ARL10: variants seen among roughly 807,000 people sequenced by gnomAD.
ARL10 encodes the protein ARF like GTPase 10.
In ARL10, 23 loss-of-function variants were observed where a neutral mutation model predicts 26.1. The observed-to-expected ratio is 0.88, with a 90% confidence interval of 0.63 to 1.25. The LOEUF (loss-of-function observed/expected upper bound fraction) is 1.25. ARL10 is among the 50% of genes most tolerant of loss of function. The pLI is 0.00. For missense variants in ARL10, 300 were observed against 323.6 expected, an observed-to-expected ratio of 0.93 and a Z score of 0.56; for synonymous variants, 138 against 149.1, an observed-to-expected ratio of 0.93 and a Z score of 0.54.
In ARL10 at chr5:176,366,562, T is replaced by G; in HGVS notation, c.366T>G (p.Phe122Leu). 1 of 1,614,098 alleles carries G rather than the reference T, an allele frequency of 6.2e-7. No individual in the cohort carries two copies. The highest frequency in any genetic ancestry group is 1.1e-5 in the South Asian group (1 of 91,088). Residue 122 changes from phenylalanine (F) to leucine (L), a missense_variant, in exon 2 of 4, where the codon TTT (phenylalanine) becomes TTG (leucine). Physicochemically the swap from Phe to Leu is conservative, Grantham distance 22 (BLOSUM62 0). Transcript: ENST00000310389. The stretch of plus-strand genomic sequence containing the variant: ...CCGTGCGTCTGCCCACCAAGGACTT[T>G]GAGGTGGACCTGCTAGAAAGTGAGC... ...FNSVRLPTKD[F>L]EVDLLEIGGS...
At chr5:176,388,956 ACCCGGTGGTAC>A, downstream of ARL10, 1 of 1,614,122 alleles carries the variant, frequency 6.2e-7, no homozygotes, top group Non-Finnish European at 8.5e-7. Flanking sequence ...ACCCGCGAGA[ACCCGGTGGTAC>A]CCATAGGTAA....
At chr5:176,409,198 T>A in the ARL10 span, among the ~76,000 whole-genome samples, 4 of 150,084 alleles carry the variant, frequency 2.7e-5, no homozygotes, top group Non-Finnish European at 5.9e-5. Context: ...ATGGTCTCAA[T>A]CTTCCAACCT....
chr5:176,404,870 T>A (rs1217735066), downstream of ARL10, among the ~76,000 whole-genome samples: 1 of 152,154 alleles, frequency 6.6e-6, no homozygotes, highest in African/African-American at 2.4e-5. Flanking sequence ...CTGGGCAGCC[T>A]CAGAACCCCC....
rs780382581 is a variant in ARL10 at position 176,365,647 on chromosome 5, G to T, written c.84G>T (p.Trp28Cys). ...TGGGCTCGGTGCTCTTCATCCTCTG[G>T]AAGACCTACTTCGGCCGCGGCCGAG... Reference protein sequence around the residue: ...AVLGSVLFILWKTYFGRGRER... With the variant: ...AVLGSVLFILCKTYFGRGRER... Residue 28 changes from tryptophan to cysteine, a missense_variant, in exon 1 of 4, where the codon TGG becomes TGT. Transcript: ENST00000310389. 4.8e-6 allele frequency: 6 copies of T among 1,257,398 alleles called. No homozygotes were observed. The African/African-American group carries it at 7.7e-5, about 16-fold the overall frequency. The allele number at this position is 1,257,398 out of a possible 1,614,324, so 77.9% of individuals were successfully genotyped here.
downstream of ARL10, among the ~76,000 whole-genome samples, chr5:176,390,282 C>T (rs1756214823): frequency 1.3e-5 from 2 of 151,730 alleles, no homozygotes; most frequent in Admixed American, 1.3e-4. Context: ...GTCTAGCCAG[C>T]AGTTTTTCAG....
At chr5:176,392,995 C>A, downstream of ARL10, 2 of 1,608,000 alleles carry the variant, frequency 1.2e-6, no homozygotes, top group Non-Finnish European at 1.7e-6. This position sits in a 1 kb window ranked among gnomAD's most constrained non-coding sequence, Gnocchi z 5.2. Context: ...TTTCCCCCAG[C>A]CTTGCCCTTG....
chr5:176,412,771 G>C, the ARL10 span, among the ~76,000 whole-genome samples: 2 of 152,088 alleles, frequency 1.3e-5, no homozygotes, highest in Non-Finnish European at 2.9e-5. Context: ...TTCAGATAAG[G>C]CTTCTCCTGC....
At chr5:176,398,900 T>C (rs1431478822) in intron 1 of ARL10, among the ~76,000 whole-genome samples, 5 of 151,678 alleles carry the variant, frequency 3.3e-5, no homozygotes, top group Non-Finnish European at 4.4e-5. Context: ...TGGAGTGCAA[T>C]GGTGCAATGT....
downstream of ARL10, chr5:176,386,531 T>C: frequency 2.3e-6 from 1 of 425,676 alleles, no homozygotes; most frequent in South Asian, 2.1e-5. Flanking sequence ...AATCAGTTCA[T>C]CCTTAAATTC....
In ARL10 at chr5:176,388,133, G is replaced by C. The variant is rs1176841735; in HGVS notation, c.37-162G>C. On this transcript the variant is annotated intron_variant, in intron 1 of 1. Coordinates refer to the ARL10 transcript ENST00000503175. ...TGTGGGGAGGTCGAAAACTCGGAAG[G>C]GCCTGAGGGAAGGAATGGGCAGTAC... The C allele has an allele frequency of 4.6e-6, 4 of 865,416 alleles. No individual in the cohort carries two copies. The East Asian group carries it at 1.0e-4, about 22-fold the overall frequency. The allele number at this position is 865,416 out of a possible 1,614,324, so 53.6% of individuals were successfully genotyped here. A position where few individuals can be genotyped will look rare whatever the true frequency, so the allele number is the denominator to read the frequency against.
In ARL10 at chr5:176,386,937, GA is replaced by G. The variant is rs751964380; in HGVS notation, c.37-1356del. 10 of 1,603,856 alleles carry G rather than the reference GA, an allele frequency of 6.2e-6. No homozygotes were observed. The African/African-American group carries it at 1.2e-4, about 19-fold the overall frequency. ...GCAGAGAACAGAGCCCTTGAGACCA[GA>G]AGGATCTTTGATGAGGGAAAGTTAT... On this transcript the variant is annotated intron_variant, in intron 1 of 1. Transcript: ENST00000503175.
rs1363383970 is a variant in ARL10 at position 176,377,438 on chromosome 5, C to T, written c.*5543C>T. 6.6e-6 allele frequency: 1 copy of T among 152,178 alleles called. No homozygotes were observed. Among genetic ancestry groups the T allele is most frequent in the East Asian group, 1.9e-4 (1 of 5,198 alleles). The allele number at this position is 152,178 out of a possible 1,614,324, so 9.4% of individuals were successfully genotyped here. ...ATGCCCCATAAAGGAAACACATGTT[C>T]TTATAACTCCTTAGCTACTGCCATA... On this transcript the variant is annotated 3_prime_UTR_variant, in exon 4 of 4. Coordinates refer to ENST00000310389, the MANE Select transcript of ARL10 (RefSeq NM_173664.6). The surrounding 1 kb of genome is among the most constrained non-coding windows in gnomAD (Gnocchi z 4.5).
chr5:176,389,649 A>T, downstream of ARL10: 1 of 772,040 alleles, frequency 1.3e-6, no homozygotes, highest in Non-Finnish European at 2.0e-6. Context: ...TGTAACCGAA[A>T]GTTTTTTCAA....
chr5:176,402,312 T>A (rs908663926), downstream of ARL10, among the ~76,000 whole-genome samples: 3 of 151,994 alleles, frequency 2.0e-5, no homozygotes, highest in African/African-American at 4.8e-5. Context: ...AATAAATAAA[T>A]AAAAATAAAA....
At chr5:176,386,922 G>C (rs764010854) in intron 1 of ARL10, 14 of 1,612,506 alleles carry the variant, frequency 8.7e-6, no homozygotes, top group African/African-American at 2.7e-5. Context: ...GCAGAGAACA[G>C]AGCCCTTGAG....
chr5:176,384,667 G>T (rs916602820), downstream of ARL10: 2 of 438,032 alleles, frequency 4.6e-6, no homozygotes, highest in Non-Finnish European at 8.1e-6. Flanking sequence ...CTACTTGGGA[G>T]GCCGAGGCAG....
downstream of ARL10, among the ~76,000 whole-genome samples, chr5:176,383,526 G>A (rs6862846): frequency 0.16 from 24,565 of 152,226 alleles, 2,068 homozygotes; most frequent in Middle Eastern, 0.21. Flanking sequence ...CAGGTTGGGG[G>A]CCTCGGATTC....
chr5:176,409,069 C>G, the ARL10 span, among the ~76,000 whole-genome samples: 4 of 151,930 alleles, frequency 2.6e-5, no homozygotes, highest in Non-Finnish European at 5.9e-5. Flanking sequence ...CTCCCACTCC[C>G]GGATTCAAGC....
chr5:176,388,158 C>T (rs1445333289), intron 1 of ARL10: 2 of 1,113,756 alleles, frequency 1.8e-6, no homozygotes, highest in Non-Finnish European at 1.3e-6. Context: ...ATGGGCAGTA[C>T]CACGTTCTGA....
Sources: gnomAD v4.1 joint callset for allele counts (sites outside exome capture counted in the v4.1 genomes callset) on GRCh38, gnomAD v4.1.1 for gene constraint, Gnocchi (gnomAD v3.1) non-coding constraint, MANE v1.5 for transcripts, NCBI Gene and HGNC (gene_info 2026-07-23, HGNC 2026-07-21) for gene names.